MEGF6: variants seen among roughly 807,000 people sequenced by gnomAD.
MEGF6 encodes multiple EGF like domains 6.
MEGF6 carries 184 observed loss-of-function variants against 207.1 expected under a neutral mutation model. The observed-to-expected ratio is 0.89, with a 90% CI of 0.79 to 1.00. The LOEUF is 1.00. Among genes scored for constraint, MEGF6 ranks in the 50% least tolerant of loss-of-function variants. The probability of loss-of-function intolerance (pLI) is 0.00; values close to 1 mark genes in which losing one functional copy is unlikely to be tolerated. For synonymous variants in MEGF6, 1,038 were observed against 910.0 expected (o/e 1.14, Z -2.53); for missense variants, 2,282 against 2,202.9 (o/e 1.04, Z -0.72).
chr1:3,501,530 C>T (rs1337198427), intron 18 of MEGF6, among the ~76,000 whole-genome samples: 1 of 152,108 alleles, frequency 6.6e-6, no homozygotes, highest in African/African-American at 2.4e-5. Flanking sequence ...CACCGTTCAG[C>T]TGGCAACACA....
rs1641112156 is a variant in MEGF6, at chr1:3,506,214, G to A, written c.1812C>T (p.Gly604=). The change falls in exon 15 of 37, where the codon GGC becomes GGT. Residue 604 remains glycine, a synonymous_variant. Coordinates refer to ENST00000356575, the MANE Select transcript of MEGF6 (RefSeq NM_001409.4). ...CEDGCPKGYY[G]KHCRKKCNCA... is the part of the protein sequence containing the mutation. The stretch of plus-strand genomic sequence containing the variant: ...AGTTGCATTTCTTGCGACAGTGCTT[G>A]CCATAGTAGCCCTTGGGGCAGCCTG... The A allele has an allele frequency of 2.5e-6, 4 of 1,608,474 alleles. No homozygotes were observed. In the East Asian group the frequency reaches 8.9e-5, roughly 36 times the overall value.
At chr1:3,501,955 C>A in intron 17 of MEGF6, 34 bp from the exon 18 acceptor site, 1 of 1,428,186 alleles carries the variant, frequency 7.0e-7, no homozygotes, top group African/African-American at 1.6e-5. Context: ...CTTAGCCGCA[C>A]CACGTGGAGT....
In MEGF6 at chr1:3,511,889, A is replaced by AGGGC. The variant is rs1641362535; in HGVS notation, c.976+113_976+116dup. On this transcript the variant is annotated intron_variant, in intron 8 of 36. Coordinates refer to ENST00000356575, the MANE Select transcript of MEGF6 (RefSeq NM_001409.4). Reference sequence around the variant, plus strand: ...CTCTGCTCACCAAGGGCTCACACCCAGGGCTGCCCCTGATTGACAAGGAAG... The same window carrying AGGGC: ...CTCTGCTCACCAAGGGCTCACACCCAGGGCGGGCTGCCCCTGATTGACAAGGAAG... The AGGGC allele has an allele frequency of 1.2e-5, 19 of 1,522,144 alleles. No homozygotes were observed. The South Asian group carries it at 2.3e-4, about 19-fold the overall frequency. 94.3% of individuals were successfully genotyped at this position (1,522,144 alleles called of 1,614,324 possible).
rs369039528 is a variant in MEGF6, at chr1:3,595,751, T to C, written c.267-304A>G. 2.9e-4 allele frequency among the ~76,000 whole-genome samples: 44 copies of C among 152,238 alleles called. No homozygotes were observed. The East Asian group carries it at 4.1e-3, about 14-fold the overall frequency. On this transcript the variant is annotated intron_variant, in intron 2 of 36. Transcript: ENST00000356575. ...GCCCCCTCCCTCCCGACGGTGGTCC[T>C]GGCTCCAGGCTGGCGTTGGGACGCA... is the stretch of plus-strand genomic sequence containing the variant.
chr1:3,490,710 G>GGGTGGGGCCCACCC, intron 36 of MEGF6, 121 bp from the exon 37 acceptor site: 4 of 1,143,734 alleles, frequency 3.5e-6, no homozygotes, highest in Non-Finnish European at 5.0e-6. Context: ...CCCAGCAGGT[G>GGGTGGGGCCCACCC]GGTGGGGCCC....
chr1:3,619,908 T>C, the MEGF6 span, among the ~76,000 whole-genome samples: 1 of 152,198 alleles, frequency 6.6e-6, no homozygotes, highest in African/African-American at 2.4e-5. Context: ...GTGGGAAAGT[T>C]TGGAACTTCC....
chr1:3,586,581 G>A (rs1017632557), intron 3 of MEGF6, among the ~76,000 whole-genome samples: 10 of 152,302 alleles, frequency 6.6e-5, no homozygotes, highest in South Asian at 2.1e-4. Flanking sequence ...TGTGAAGCCC[G>A]TGCTGTGTCT....
At chr1:3,619,100 T>C in the MEGF6 span, among the ~76,000 whole-genome samples, 1 of 152,204 alleles carries the variant, frequency 6.6e-6, no homozygotes, top group Non-Finnish European at 1.5e-5. Flanking sequence ...GGCAGGAAGA[T>C]AAATAATGAC....
chr1:3,534,235 A>T (rs552737405), intron 4 of MEGF6, among the ~76,000 whole-genome samples: 1 of 152,342 alleles, frequency 6.6e-6, no homozygotes, highest in South Asian at 2.1e-4. Flanking sequence ...AGCAAGAAAG[A>T]ATAGAAGAGA....
chr1:3,590,111 G>A (rs775538858), intron 3 of MEGF6, among the ~76,000 whole-genome samples: 4 of 152,230 alleles, frequency 2.6e-5, no homozygotes, highest in Non-Finnish European at 5.9e-5. Flanking sequence ...CGTATGAGGA[G>A]TTGCGGGGTA....
chr1:3,499,625 G>A lies in MEGF6; in HGVS notation c.2928C>T (p.Leu976=). The A allele has an allele frequency of 6.3e-7, 1 of 1,589,918 alleles. No homozygotes were observed. The highest frequency in any genetic ancestry group is 8.6e-7 in the Non-Finnish European group (1 of 1,169,262). ...AACDAVNGSC[L]CPAGRRGPRC... is the part of the protein sequence containing the mutation. ...GGGGGCCCCGGCGGCCAGCGGGGCA[G>A]AGGCAGGAGCCATTCACGGCATCAC... The change falls in exon 23 of 37, where the codon CTC becomes CTT. Residue 976 remains leucine, a synonymous_variant. Transcript: ENST00000356575.
intron 14 of MEGF6, 87 bp from the exon 15 acceptor site, chr1:3,506,323 C>A: frequency 6.7e-7 from 1 of 1,487,062 alleles, no homozygotes; most frequent in East Asian, 2.4e-5. Flanking sequence ...CGCGGGGGCC[C>A]AGGGCCCAGC....
At chr1:3,501,696 C>T in intron 18 of MEGF6, 100 bp downstream of exon 18, 2 of 1,457,574 alleles carry the variant, frequency 1.4e-6, no homozygotes, top group Admixed American at 2.6e-5. Context: ...TATAGACGGG[C>T]CTGGGATCCG....
At chr1:3,504,129 C>A (rs1217221616) in intron 17 of MEGF6, among the ~76,000 whole-genome samples, 1 of 150,356 alleles carries the variant, frequency 6.7e-6, no homozygotes, top group Non-Finnish European at 1.5e-5. Flanking sequence ...GAGGAGGGGG[C>A]TGGCCCCAGG....
At position 3,501,158 on chromosome 1, in the gene MEGF6, G is replaced by A. The variant is rs764888541; in HGVS notation, c.2446+19C>T. ...CCTACCCCAGGTCAAAGGCTCAGGG[G>A]CAGCTCCAGCTCACTCACCGTCCTG... On this transcript the variant is annotated intron_variant, in intron 19 of 36. Transcript: ENST00000356575. The A allele has an allele frequency of 6.9e-5, 112 of 1,612,462 alleles. 4 individuals are homozygous for A. In the Admixed American group the frequency reaches 1.6e-3, roughly 23 times the overall value.
chr1:3,595,837 G>A (rs1023643748), intron 2 of MEGF6, among the ~76,000 whole-genome samples: 2 of 152,164 alleles, frequency 1.3e-5, no homozygotes, highest in African/African-American at 4.8e-5. Context: ...CGGGGAGTTG[G>A]AAGTGCCCAG....
rs143899169 is a variant in MEGF6, at chr1:3,575,071, G to A, written c.481+4754C>T. ...GATCTGTAGAGACTTTTGTGACTTC[G>A]TGTACTACAAAAGACAAATCTATTA... On this transcript the variant is annotated intron_variant, in intron 4 of 36. Transcript: ENST00000356575. Among the ~76,000 whole-genome samples, 96 of 152,308 alleles carry A rather than the reference G, an allele frequency of 6.3e-4. 2 individuals are homozygous for A. The highest frequency in any genetic ancestry group is 1.2e-3 in the Admixed American group (19 of 15,302).
intron 4 of MEGF6, among the ~76,000 whole-genome samples, chr1:3,541,638 T>G (rs1346628769): frequency 1.3e-5 from 2 of 152,186 alleles, no homozygotes. Context: ...CGCCCAGGCT[T>G]CCTAGCCCGC....
chr1:3,531,235 G>A, intron 4 of MEGF6: 1 of 1,465,854 alleles, frequency 6.8e-7, no homozygotes, highest in Non-Finnish European at 9.0e-7. Context: ...GCGGTCCCGG[G>A]ACGCCCCCAT....
Sources: gnomAD v4.1 joint callset for allele counts (sites outside exome capture counted in the v4.1 genomes callset) on GRCh38, gnomAD v4.1.1 for gene constraint, MANE v1.5 for transcripts, NCBI Gene and HGNC (gene_info 2026-07-23, HGNC 2026-07-21) for gene names.